The following GLI3 variants were observed in gnomAD, a reference collection of about 807,000 sequenced individuals.
GLI3 encodes the protein GLI family zinc finger 3.
Under a neutral mutation model 100.8 loss-of-function variants are expected in GLI3, and 20 were observed. The ratio of observed to expected loss-of-function variants is 0.20; its 90% confidence interval spans 0.14 to 0.29. The LOEUF is 0.29. Ranked by LOEUF, GLI3 falls within the 10% of genes least tolerant of loss-of-function variation. The probability of loss-of-function intolerance (pLI) is 1.00; values close to 1 mark genes in which losing one functional copy is unlikely to be tolerated. For synonymous variants in GLI3, 938 were observed against 860.5 expected (o/e 1.09, Z -1.58); for missense variants, 2,040 against 2,128.5 (o/e 0.96, Z 0.82).
chr7:42,135,575 T>A (rs1786408326), intron 3 of GLI3, among the ~76,000 whole-genome samples: 1 of 152,236 alleles, frequency 6.6e-6, no homozygotes, highest in South Asian at 2.1e-4. Flanking sequence ...CTTCTTACTG[T>A]TTTCACAGAT....
chr7:42,113,333 A>G (rs1029453735), intron 3 of GLI3: 2 of 631,288 alleles, frequency 3.2e-6, no homozygotes, highest in African/African-American at 3.6e-5. Context: ...TCCTGTGCCC[A>G]GCACCTACGT....
intron 1 of GLI3, among the ~76,000 whole-genome samples, chr7:42,228,105 C>G (rs62443824): frequency 6.6e-6 from 1 of 151,860 alleles, no homozygotes; most frequent in Non-Finnish European, 1.5e-5. Context: ...GGTTCATTAG[C>G]GGGCGCGCCG....
At chr7:42,208,234 G>C (rs1583648740) in intron 2 of GLI3, among the ~76,000 whole-genome samples, 1 of 152,104 alleles carries the variant, frequency 6.6e-6, no homozygotes. Context: ...AGCATGGATG[G>C]GTCTAAGGTC....
intron 3 of GLI3, among the ~76,000 whole-genome samples, chr7:42,140,902 C>T (rs1786552472): frequency 6.6e-6 from 1 of 152,056 alleles, no homozygotes. Flanking sequence ...GCAAGAGTTG[C>T]TGTTTCTCAT....
At chr7:42,135,780 A>G (rs906552143) in intron 3 of GLI3, among the ~76,000 whole-genome samples, 2 of 152,212 alleles carry the variant, frequency 1.3e-5, no homozygotes, top group African/African-American at 4.8e-5. Context: ...TTTATCTGAG[A>G]CACCAAAGTC....
rs115087979 is a variant in GLI3, at chr7:42,130,111, T to C, written c.367+18115A>G. Among the ~76,000 whole-genome samples, 474 of 152,206 alleles carry C rather than the reference T, an allele frequency of 3.1e-3. 1 individual carries two copies. Among genetic ancestry groups the C allele is most frequent in the African/African-American group, 0.011 (442 of 41,528 alleles). ...CCAGCAAGTTGGTGTGACACCCTTA[T>C]TGGTACCCAAGCCATACCGGTTCTT... On this transcript the variant is annotated intron_variant, in intron 3 of 14. Coordinates refer to ENST00000395925, the MANE Select transcript of GLI3 (RefSeq NM_000168.6).
At chr7:42,105,254 T>C (rs1320952824) in intron 3 of GLI3, among the ~76,000 whole-genome samples, 1 of 152,178 alleles carries the variant, frequency 6.6e-6, no homozygotes, top group Admixed American at 6.5e-5. Flanking sequence ...TGATGTGGAC[T>C]GATAATCAGG....
At chr7:42,232,158 C>T (rs918323900) in intron 1 of GLI3, among the ~76,000 whole-genome samples, 1 of 151,982 alleles carries the variant, frequency 6.6e-6, no homozygotes, top group Non-Finnish European at 1.5e-5. Context: ...AAGAAAAGCC[C>T]CTCTAGCTGT....
chr7:42,066,149 AAACAGTTC>A (rs774880176), intron 4 of GLI3, among the ~76,000 whole-genome samples: 1 of 152,162 alleles, frequency 6.6e-6, no homozygotes, highest in Non-Finnish European at 1.5e-5. Context: ...AAAGCAAAAT[AAACAGTTC>A]AACAAAGAAA....
chr7:42,063,471 C>T (rs1375812683), intron 4 of GLI3, among the ~76,000 whole-genome samples: 2 of 152,034 alleles, frequency 1.3e-5, no homozygotes, highest in Admixed American at 1.3e-4. Flanking sequence ...ATTTTTTAAA[C>T]ATGTATCATT....
At chr7:42,176,079 T>C (rs150469516) in intron 2 of GLI3, among the ~76,000 whole-genome samples, 1 of 152,160 alleles carries the variant, frequency 6.6e-6, no homozygotes, top group Non-Finnish European at 1.5e-5. Context: ...GACAGAATGA[T>C]AAAGGAGGAT....
intron 2 of GLI3, chr7:42,151,608 A>G (rs2128788768): frequency 6.6e-6 from 1 of 152,338 alleles, no homozygotes; most frequent in East Asian, 1.9e-4. Context: ...TTAACAGCCA[A>G]ACACAAGGCA....
chr7:42,214,483 A>G (rs1175852067), intron 2 of GLI3, among the ~76,000 whole-genome samples: 1 of 151,758 alleles, frequency 6.6e-6, no homozygotes, highest in African/African-American at 2.4e-5. Context: ...ACAGGAAGAA[A>G]GAGACCAGGA....
intron 2 of GLI3, among the ~76,000 whole-genome samples, chr7:42,189,819 C>T: frequency 6.6e-6 from 1 of 152,090 alleles, no homozygotes; most frequent in East Asian, 1.9e-4. Flanking sequence ...TGAATCATTT[C>T]CTTTCTTGGA....
At chr7:42,063,991 T>C (rs769540907) in intron 4 of GLI3, among the ~76,000 whole-genome samples, 4 of 152,236 alleles carry the variant, frequency 2.6e-5, no homozygotes, top group African/African-American at 9.6e-5. Context: ...TATGGTTATC[T>C]AGCTACCTTA....
chr7:41,978,676 G>T lies in GLI3; in HGVS notation c.1570C>A (p.Gln524Lys). The T allele has an allele frequency of 6.2e-7, 1 of 1,613,664 alleles. No individual in the cohort carries two copies. Among genetic ancestry groups the T allele is most frequent in the East Asian group, 2.2e-5 (1 of 44,872 alleles). Reference protein sequence around the residue: ...VCRWLDCSREQKPFKAQYMLV... With the variant: ...VCRWLDCSREKKPFKAQYMLV... ...ATATACTGGGCTTTGAAGGGTTTCTGCTCTCTTGAGCAGTCCAGCCACCTG... is the reference window on the plus strand; with the variant it reads ...ATATACTGGGCTTTGAAGGGTTTCTTCTCTCTTGAGCAGTCCAGCCACCTG... Residue 524 changes from glutamine to lysine, a missense_variant, in exon 11 of 15, where the codon CAG (glutamine) becomes AAG (lysine). Physicochemically the swap from Gln to Lys is moderately conservative, Grantham distance 53 (BLOSUM62 1). Transcript: ENST00000395925.
At chr7:42,009,544 G>C (rs1400814243) in intron 10 of GLI3, among the ~76,000 whole-genome samples, 1 of 104,792 alleles carries the variant, frequency 9.5e-6, no homozygotes, top group African/African-American at 3.5e-5. Flanking sequence ...CGTGCCATTT[G>C]TAAGGAATTG....
chr7:41,999,042 G>A (rs958875655), intron 10 of GLI3, among the ~76,000 whole-genome samples: 6 of 152,288 alleles, frequency 3.9e-5, no homozygotes, highest in African/African-American at 7.2e-5. Flanking sequence ...TTGGAAGTTT[G>A]CTTAGTATGA....
At chr7:42,004,725 C>T (rs1446673383) in intron 10 of GLI3, among the ~76,000 whole-genome samples, 1 of 152,196 alleles carries the variant, frequency 6.6e-6, no homozygotes, top group African/African-American at 2.4e-5. Flanking sequence ...GATGCACCCA[C>T]CTGGGTCTCC....
Sources: gnomAD v4.1 joint callset for allele counts (sites outside exome capture counted in the v4.1 genomes callset) on GRCh38, gnomAD v4.1.1 for gene constraint, MANE v1.5 for transcripts, NCBI Gene and HGNC (gene_info 2026-07-23, HGNC 2026-07-21) for gene names.